LGALS9C: variants seen among roughly 807,000 people sequenced by gnomAD.
The protein encoded by LGALS9C is galectin-9C.
LGALS9C carries 7 observed loss-of-function variants against 41.3 expected under a neutral mutation model. The observed-to-expected ratio is 0.17, with a 90% CI of 0.10 to 0.32. The LOEUF is 0.32. LGALS9C is among the 10% of genes least tolerant of loss of function. The probability of loss-of-function intolerance (pLI) is 1.00; values close to 1 mark genes in which losing one functional copy is unlikely to be tolerated. For missense variants in LGALS9C, 102 were observed against 455.2 expected, an observed-to-expected ratio of 0.22 and a Z score of 7.06; for synonymous variants, 44 against 171.0, an observed-to-expected ratio of 0.26 and a Z score of 5.80.
intron 8 of LGALS9C, 179 bp from the exon 9 acceptor site, chr17:18,492,278 G>A: frequency 1.3e-6 from 1 of 761,594 alleles, no homozygotes; most frequent in South Asian, 1.9e-5. Flanking sequence ...ACTAATCTAA[G>A]CCCATTAATT....
At chr17:18,487,894 C>T in intron 4 of LGALS9C, 137 bp downstream of exon 4, 2 of 608,510 alleles carry the variant, frequency 3.3e-6, no homozygotes, top group South Asian at 2.0e-5. Flanking sequence ...TTCCCTGTCC[C>T]AGTACCTGCC....
At chr17:18,492,602 G>A in intron 9 of LGALS9C, 57 bp downstream of exon 9, 5 of 1,583,798 alleles carry the variant, frequency 3.2e-6, no homozygotes, top group East Asian at 2.2e-5. Flanking sequence ...GGTCATTCCA[G>A]CCATTCCCCT....
At position 18,487,558 on chromosome 17, in the gene LGALS9C, A is replaced by T. The variant is rs1352721782; in HGVS notation, c.334-89A>T. On this transcript the variant is annotated intron_variant, in intron 3 of 10. Transcript: ENST00000328114. ...CACTGAAGACCAGACTCAGGTCTTC[A>T]TTTTTTAGAAGGAGGGACCAGGAGC... 2.6e-3 allele frequency: 2,572 copies of T among 979,184 alleles called. 58 individuals are homozygous for T. Among genetic ancestry groups the T allele is most frequent in the Middle Eastern group, 0.011 (34 of 3,084 alleles). The allele number at this position is 979,184 out of a possible 1,614,324, so 60.7% of individuals were successfully genotyped here.
At chr17:18,492,229 GTCTT>G (rs1236647194) in intron 8 of LGALS9C, 1 of 515,330 alleles carries the variant, frequency 1.9e-6, no homozygotes, top group African/African-American at 2.1e-5. Flanking sequence ...CACCCCACGA[GTCTT>G]TCTTTCTGTG....
intron 9 of LGALS9C, 41 bp from the exon 10 acceptor site, chr17:18,492,656 G>A: frequency 1.3e-6 from 2 of 1,513,146 alleles, no homozygotes; most frequent in South Asian, 1.1e-5. Context: ...ATGGGGCTCA[G>A]AACTCAGTGG....
intron 2 of LGALS9C, among the ~76,000 whole-genome samples, chr17:18,484,766 C>A (rs1270825858): frequency 6.6e-6 from 1 of 151,038 alleles, no homozygotes; most frequent in Non-Finnish European, 1.5e-5. Flanking sequence ...GCCAGCTCAA[C>A]CTCAGCTCCG....
At position 18,488,917 on chromosome 17, in the gene LGALS9C, G is replaced by A. The variant is rs367799914; in HGVS notation, c.445-24G>A. ...GGCTCTATTAATGCTTCTCCTCACC[G>A]GCCGGTGCCTTTTGTTTTAACAGAA... On this transcript the variant is annotated intron_variant, in intron 4 of 10. Coordinates refer to ENST00000328114, the MANE Select transcript of LGALS9C (RefSeq NM_001040078.3). 2.7e-4 allele frequency: 398 copies of A among 1,501,188 alleles called. 23 individuals are homozygous for A. Among genetic ancestry groups the A allele is most frequent in the Non-Finnish European group, 3.2e-4 (353 of 1,091,596 alleles). The allele number at this position is 1,501,188 out of a possible 1,614,324, so 93.0% of individuals were successfully genotyped here. A position where few individuals can be genotyped will look rare whatever the true frequency, so the allele number is the denominator to read the frequency against.
chr17:18,492,679 G>A lies in LGALS9C; in HGVS notation c.762-18G>A. ...CAGAACTCAGTGGACAAAGGTCCAG[G>A]TAGGCTGCCCACCCCAGGTTCCACA... On this transcript the variant is annotated intron_variant, in intron 9 of 10. Transcript: ENST00000328114. 1.4e-6 allele frequency: 2 copies of A among 1,469,838 alleles called. 1 individual carries two copies. The highest frequency in any genetic ancestry group is 1.9e-6 in the Non-Finnish European group (2 of 1,059,716). The allele number at this position is 1,469,838 out of a possible 1,614,324, so 91.0% of individuals were successfully genotyped here. A position where few individuals can be genotyped will look rare whatever the true frequency, so the allele number is the denominator to read the frequency against.
intron 3 of LGALS9C, among the ~76,000 whole-genome samples, 161 bp from the exon 4 acceptor site, chr17:18,487,486 C>T (rs1299154116): frequency 6.2e-4 from 38 of 61,084 alleles, no homozygotes; most frequent in African/African-American, 1.6e-3. Flanking sequence ...GTAGAGACTC[C>T]GGTTGATGCA....
intron 3 of LGALS9C, among the ~76,000 whole-genome samples, chr17:18,487,193 G>T (rs1729450050): frequency 1.1e-5 from 1 of 93,344 alleles, no homozygotes; most frequent in African/African-American, 3.6e-5. Context: ...GCTTGGTGTG[G>T]TGGTGGATGC....
chr17:18,483,088 G>A (rs1187193454), intron 1 of LGALS9C, among the ~76,000 whole-genome samples: 1 of 125,596 alleles, frequency 8.0e-6, no homozygotes, highest in African/African-American at 2.7e-5. Flanking sequence ...CAGGTCAGGA[G>A]CAGCAGAGTT....
At chr17:18,488,810 G>A in intron 4 of LGALS9C, 131 bp from the exon 5 acceptor site, 3 of 1,283,466 alleles carry the variant, frequency 2.3e-6, no homozygotes, top group Non-Finnish European at 3.3e-6. Context: ...CCGCCTCCGT[G>A]TGGCCCTAAC....
chr17:18,493,856 G>T lies in LGALS9C; in HGVS notation c.925-365G>T, dbSNP rs570841856. On this transcript the variant is annotated intron_variant, in intron 10 of 10. Transcript: ENST00000328114. ...TGTCAGCTATTGCAAAGGGCAGGAG[G>T]TTTTAACATTTGTACCCTGACTGCC... Among the ~76,000 whole-genome samples, 18 of 144,450 alleles carry T rather than the reference G, an allele frequency of 1.2e-4. 1 individual carries two copies. In the South Asian group the frequency reaches 3.9e-3, roughly 31 times the overall value. 94.8% of individuals were successfully genotyped at this position (144,450 alleles called of 152,430 possible). A position where few individuals can be genotyped will look rare whatever the true frequency, so the allele number is the denominator to read the frequency against.
At chr17:18,488,168 G>A (rs1156557268) in intron 4 of LGALS9C, among the ~76,000 whole-genome samples, 1 of 129,560 alleles carries the variant, frequency 7.7e-6, no homozygotes, top group Non-Finnish European at 1.9e-5. Flanking sequence ...TTTGTCATCT[G>A]TAGAATGAGC....
intron 1 of LGALS9C, among the ~76,000 whole-genome samples, chr17:18,482,967 A>G (rs1989448878): frequency 1.6e-5 from 2 of 124,502 alleles, no homozygotes; most frequent in African/African-American, 5.3e-5. Flanking sequence ...CTTCTACCAC[A>G]GGCTTTTTCT....
intron 1 of LGALS9C, among the ~76,000 whole-genome samples, chr17:18,483,370 G>A (rs1038317401): frequency 5.5e-5 from 7 of 127,366 alleles, no homozygotes; most frequent in African/African-American, 1.8e-4. Flanking sequence ...ACACTCTCTG[G>A]TGACCCTCTC....
chr17:18,482,982 A>T (rs1482830090), intron 1 of LGALS9C, among the ~76,000 whole-genome samples: 1 of 124,358 alleles, frequency 8.0e-6, no homozygotes, highest in Non-Finnish European at 2.0e-5. Context: ...TTTTCTCACA[A>T]AATCATCAAT....
chr17:18,483,113 G>A lies in LGALS9C; in HGVS notation c.40-762G>A, dbSNP rs181605401. 1.9e-3 allele frequency among the ~76,000 whole-genome samples: 232 copies of A among 125,146 alleles called. 42 individuals carry two copies. The Middle Eastern group carries it at 0.02, about 11-fold the overall frequency. The allele number at this position is 125,146 out of a possible 152,430, so 82.1% of individuals were successfully genotyped here. A position where few individuals can be genotyped will look rare whatever the true frequency, so the allele number is the denominator to read the frequency against. On this transcript the variant is annotated intron_variant, in intron 1 of 10. Coordinates refer to ENST00000328114, the MANE Select transcript of LGALS9C (RefSeq NM_001040078.3). ...GCAGCAGAGTTAGGATTCAGACCTGGAGTCGGCCTGACTCCAAAACGATGC... is the reference window on the plus strand; with the variant it reads ...GCAGCAGAGTTAGGATTCAGACCTGAAGTCGGCCTGACTCCAAAACGATGC...
chr17:18,487,880 C>T lies in LGALS9C; in HGVS notation c.444+123C>T. ...ACCCAGGTCACTCTGGGGACAACCT[C>T]TGCTTCCCTGTCCCAGTACCTGCCC... On this transcript the variant is annotated intron_variant, in intron 4 of 10. Transcript: ENST00000328114. 4 of 906,474 alleles carry T rather than the reference C, an allele frequency of 4.4e-6. 1 individual carries two copies. The highest frequency in any genetic ancestry group is 6.7e-6 in the Non-Finnish European group (4 of 594,462). The allele number at this position is 906,474 out of a possible 1,614,324, so 56.2% of individuals were successfully genotyped here.
Sources: allele counts gnomAD v4.1 joint callset (sites outside exome capture counted in the v4.1 genomes callset), GRCh38; gene constraint gnomAD v4.1.1; transcripts MANE v1.5; gene names NCBI Gene and HGNC (gene_info 2026-07-23, HGNC 2026-07-21).